Variants in INSL6 observed in about 807,000 individuals in gnomAD.
The protein encoded by INSL6 is insulin like 6.
INSL6 carries 16 observed loss-of-function variants against 9.4 expected under a neutral mutation model. The ratio of observed to expected loss-of-function variants is 1.70; its 90% CI spans 1.15 to 2.59. INSL6 has a LOEUF of 2.59. Among genes scored for constraint, INSL6 ranks in the 30% most tolerant of loss-of-function variants. The pLI is 0.00. For missense variants in INSL6, 391 were observed against 257.3 expected (o/e 1.52, Z -3.56); for synonymous variants, 154 against 96.9 (o/e 1.59, Z -3.46).
the INSL6 span, chr9:5,094,964 A>C: frequency 6.6e-6 from 1 of 152,174 alleles, no homozygotes; most frequent in Non-Finnish European, 1.5e-5. Flanking sequence ...TTACATTAGC[A>C]TTCTGCATAT....
At chr9:5,078,508 ATGT>A in the INSL6 span, 1 of 1,257,520 alleles carries the variant, frequency 8.0e-7, no homozygotes, top group East Asian at 2.5e-5. Flanking sequence ...TGTAAAGGGC[ATGT>A]TGTTAATTTT....
At chr9:5,056,904 G>C in the INSL6 span, among the ~76,000 whole-genome samples, 179 of 152,254 alleles carry the variant, frequency 1.2e-3, 2 homozygotes, top group Middle Eastern at 0.014. Flanking sequence ...TAGTTAAGTG[G>C]TAGGGCTATT....
At chr9:5,115,946 T>C in the INSL6 span, among the ~76,000 whole-genome samples, 15 of 152,094 alleles carry the variant, frequency 9.9e-5, no homozygotes, top group Non-Finnish European at 2.2e-4. Flanking sequence ...TTAAGAGAAA[T>C]ACCTAATGTA....
At chr9:5,066,370 T>A in the INSL6 span, among the ~76,000 whole-genome samples, 3 of 152,126 alleles carry the variant, frequency 2.0e-5, no homozygotes, top group Admixed American at 2.0e-4. Flanking sequence ...AGTATGGTTT[T>A]AAAAATATTA....
At chr9:5,013,784 T>C in the INSL6 span, among the ~76,000 whole-genome samples, 1 of 152,206 alleles carries the variant, frequency 6.6e-6, no homozygotes, top group Non-Finnish European at 1.5e-5. Context: ...ATTTTTAAAA[T>C]TTATTTTGTA....
At chr9:5,110,776 G>T in the INSL6 span, 1 of 393,896 alleles carries the variant, frequency 2.5e-6, no homozygotes, top group Non-Finnish European at 4.9e-6. Flanking sequence ...TGCAGGAGTG[G>T]TAAGGGCCCG....
At chr9:5,138,230 G>A (rs1427240819) in intron 2 of INSL6, among the ~76,000 whole-genome samples, 1 of 152,150 alleles carries the variant, frequency 6.6e-6, no homozygotes, top group East Asian at 1.9e-4. Flanking sequence ...TTCCGTTACT[G>A]GGTATATACC....
the INSL6 span, chr9:5,041,756 C>G: frequency 3.6e-3 from 1,743 of 489,990 alleles, 23 homozygotes; most frequent in African/African-American, 0.029. Flanking sequence ...TCAGCAGTGT[C>G]CACACCGACC....
the INSL6 span, chr9:5,108,007 A>G: frequency 6.6e-6 from 1 of 152,110 alleles, no homozygotes; most frequent in African/African-American, 2.4e-5. Context: ...TAACATGACC[A>G]TCCACAGCCT....
the INSL6 span, among the ~76,000 whole-genome samples, chr9:5,034,160 G>C: frequency 1.2e-4 from 19 of 152,186 alleles, no homozygotes; most frequent in African/African-American, 4.6e-4. Context: ...TTACATAATG[G>C]TAAAGGGATC....
At chr9:5,090,704 TA>T in the INSL6 span, 1 of 1,559,136 alleles carries the variant, frequency 6.4e-7, no homozygotes. Flanking sequence ...TTTATATTTA[TA>T]AAACTAGCTG....
intron 1 of INSL6, among the ~76,000 whole-genome samples, chr9:5,181,727 G>C (rs781415152): frequency 2.6e-5 from 4 of 151,548 alleles, no homozygotes; most frequent in Non-Finnish European, 4.4e-5. Flanking sequence ...ATCTAGATTT[G>C]ATTAACTCCT....
intron 2 of INSL6, among the ~76,000 whole-genome samples, chr9:5,143,879 C>T (rs997187410): frequency 4.6e-5 from 7 of 151,730 alleles, no homozygotes; most frequent in Non-Finnish European, 1.0e-4. Flanking sequence ...ATGCTGGTCT[C>T]GAACTCCTGA....
the INSL6 span, among the ~76,000 whole-genome samples, chr9:5,093,156 C>A: frequency 6.6e-6 from 1 of 152,168 alleles, no homozygotes; most frequent in Non-Finnish European, 1.5e-5. Context: ...AACCCACTGA[C>A]TGACAGTTAA....
At chr9:5,096,219 T>C in the INSL6 span, among the ~76,000 whole-genome samples, 1 of 152,202 alleles carries the variant, frequency 6.6e-6, no homozygotes, top group African/African-American at 2.4e-5. Context: ...TTATTTCTTC[T>C]ACCTTCCTCT....
At chr9:5,096,037 A>G in the INSL6 span, among the ~76,000 whole-genome samples, 2 of 152,206 alleles carry the variant, frequency 1.3e-5, no homozygotes, top group Admixed American at 6.5e-5. Flanking sequence ...AGAATTTTCA[A>G]AAAACAATAG....
At chr9:5,151,944 A>C (rs571643241) in intron 2 of INSL6, among the ~76,000 whole-genome samples, 7 of 152,332 alleles carry the variant, frequency 4.6e-5, no homozygotes, top group East Asian at 3.9e-4. Flanking sequence ...AAGATTGGGA[A>C]AATGATATAT....
the INSL6 span, among the ~76,000 whole-genome samples, chr9:5,103,113 A>G: frequency 4.0e-5 from 6 of 151,376 alleles, no homozygotes; most frequent in Non-Finnish European, 5.9e-5. Flanking sequence ...TTGGATAAAG[A>G]TTGAAGACCC....
chr9:5,153,310 G>C (rs1323977225), intron 2 of INSL6, among the ~76,000 whole-genome samples: 2 of 152,170 alleles, frequency 1.3e-5, no homozygotes, highest in African/African-American at 4.8e-5. Flanking sequence ...TCTCGTGCCA[G>C]CACAGCAGTC....
Sources: allele counts gnomAD v4.1 joint callset (sites outside exome capture counted in the v4.1 genomes callset), GRCh38; gene constraint gnomAD v4.1.1; transcripts MANE v1.5; gene names NCBI Gene and HGNC (gene_info 2026-07-23, HGNC 2026-07-21).